Variants in RASGRF2 observed in about 807,000 individuals in gnomAD.
RASGRF2 encodes the protein ras-specific guanine nucleotide-releasing factor 2.
In RASGRF2, 76 loss-of-function variants were observed where a neutral mutation model predicts 151.0. That is an observed-to-expected ratio of 0.50 (90% CI 0.42 to 0.61). The LOEUF is 0.61. Ranked by LOEUF, RASGRF2 falls within the 20% of genes least tolerant of loss-of-function variation. RASGRF2 has a pLI of 0.00. For missense variants in RASGRF2, 1,148 were observed against 1,564.6 expected, an observed-to-expected ratio of 0.73 and a Z score of 4.49; for synonymous variants, 504 against 566.5, an observed-to-expected ratio of 0.89 and a Z score of 1.57.
intron 17 of RASGRF2, among the ~76,000 whole-genome samples, chr5:81,129,317 C>G (rs1035608491): frequency 6.6e-6 from 1 of 151,920 alleles, no homozygotes; most frequent in Non-Finnish European, 1.5e-5. Context: ...TCCAAAGCTT[C>G]TGAACCAATA....
At chr5:81,218,919 C>T (rs1001174741) in intron 25 of RASGRF2, among the ~76,000 whole-genome samples, 2 of 152,040 alleles carry the variant, frequency 1.3e-5, no homozygotes, top group African/African-American at 4.8e-5. Flanking sequence ...AGAGGTCTTT[C>T]GATTCCTTGG....
rs543901627 is a variant in RASGRF2 at position 80,990,180 on chromosome 5, C to A, written c.288+29154C>A. ...ATTTGCTTAGCCCAGTGCTCTGTCG[C>A]CTAAAGGAAAGACCTCTTACTAATT... On this transcript the variant is annotated intron_variant, in intron 1 of 26. Coordinates refer to ENST00000265080, the MANE Select transcript of RASGRF2 (RefSeq NM_006909.3). Among the ~76,000 whole-genome samples, 151 of 151,702 alleles carry A rather than the reference C, an allele frequency of 1.0e-3. 5 individuals are homozygous for A. In the South Asian group the frequency reaches 0.03, roughly 30 times the overall value.
At chr5:81,091,290 C>G (rs1038324676) in intron 9 of RASGRF2, among the ~76,000 whole-genome samples, 10 of 152,176 alleles carry the variant, frequency 6.6e-5, no homozygotes, top group Non-Finnish European at 5.9e-5. Context: ...TTTCCCCTGC[C>G]TCCAGTACTC....
intron 1 of RASGRF2, among the ~76,000 whole-genome samples, chr5:80,971,245 C>A (rs1263024038): frequency 2.0e-5 from 3 of 152,200 alleles, no homozygotes; most frequent in African/African-American, 7.2e-5. Context: ...ACCACCCCAA[C>A]CGTGGGTAGC....
chr5:81,107,456 T>G (rs1300925905), intron 12 of RASGRF2, among the ~76,000 whole-genome samples: 1 of 152,232 alleles, frequency 6.6e-6, no homozygotes, highest in Non-Finnish European at 1.5e-5. Flanking sequence ...AATTGTCCTG[T>G]CTGGTCCTAG....
At chr5:81,055,580 TA>T (rs1396517490) in intron 2 of RASGRF2, among the ~76,000 whole-genome samples, 1 of 152,222 alleles carries the variant, frequency 6.6e-6, no homozygotes, top group Non-Finnish European at 1.5e-5. Flanking sequence ...GATATTGGTC[TA>T]AAACCCTCTT....
At chr5:81,026,751 G>GA (rs145834952) in intron 1 of RASGRF2, among the ~76,000 whole-genome samples, 82 of 149,766 alleles carry the variant, frequency 5.5e-4, no homozygotes, top group South Asian at 2.1e-3. Context: ...TTTTAAGGGC[G>GA]AAAAAAAAAG....
chr5:81,208,293 G>A, intron 21 of RASGRF2, 61 bp from the exon 22 acceptor site: 6 of 1,418,282 alleles, frequency 4.2e-6, no homozygotes, highest in Non-Finnish European at 3.0e-6. Context: ...AACTGTCCAG[G>A]ATCATAGCCA....
chr5:81,034,811 G>GA (rs1554087637), intron 1 of RASGRF2, among the ~76,000 whole-genome samples: 2 of 131,616 alleles, frequency 1.5e-5, no homozygotes, highest in Non-Finnish European at 3.2e-5. Flanking sequence ...GGGTGGGAGG[G>GA]GGGTAGGGAT....
intron 2 of RASGRF2, among the ~76,000 whole-genome samples, chr5:81,060,814 G>A (rs1751407747): frequency 6.6e-6 from 1 of 152,112 alleles, no homozygotes; most frequent in Non-Finnish European, 1.5e-5. Flanking sequence ...TGGAAAGTAT[G>A]GAAAAGTACA....
At chr5:81,197,950 T>G (rs1018500538) in intron 18 of RASGRF2, among the ~76,000 whole-genome samples, 5 of 152,186 alleles carry the variant, frequency 3.3e-5, no homozygotes, top group African/African-American at 1.2e-4. Flanking sequence ...ATTCTACCTT[T>G]TTGTTCTTTT....
At chr5:81,041,258 C>T (rs1208022531) in intron 1 of RASGRF2, among the ~76,000 whole-genome samples, 3 of 148,860 alleles carry the variant, frequency 2.0e-5, no homozygotes, top group African/African-American at 5.0e-5. Context: ...GCCGAGATCA[C>T]GCCACTGCAC....
At chr5:81,185,008 A>G (rs1419436594) in intron 18 of RASGRF2, among the ~76,000 whole-genome samples, 7 of 152,244 alleles carry the variant, frequency 4.6e-5, no homozygotes, top group Non-Finnish European at 7.3e-5. Context: ...GCACAGGGGC[A>G]GGTAAAATAG....
At chr5:81,060,686 G>T (rs1015767982) in intron 2 of RASGRF2, among the ~76,000 whole-genome samples, 9 of 152,014 alleles carry the variant, frequency 5.9e-5, no homozygotes, top group African/African-American at 7.3e-5. Context: ...ATTTGGACTC[G>T]CAGGAACCCA....
At chr5:81,057,741 T>C (rs1228946068) in intron 2 of RASGRF2, among the ~76,000 whole-genome samples, 2 of 152,068 alleles carry the variant, frequency 1.3e-5, no homozygotes, top group African/African-American at 2.4e-5. Flanking sequence ...GTGCCTATAA[T>C]CCAAGCACTT....
rs145175259 is a variant in RASGRF2 at position 81,114,430 on chromosome 5, T to C, written c.2470+510T>C. The stretch of plus-strand genomic sequence containing the variant: ...GTTTAGTTATGAGGACAGTGCTCCA[T>C]GTTATAGCAGAGGTATAGGAGAGAA... On this transcript the variant is annotated intron_variant, in intron 15 of 26. Coordinates refer to ENST00000265080, the MANE Select transcript of RASGRF2 (RefSeq NM_006909.3). Among the ~76,000 whole-genome samples, 857 of 152,362 alleles carry C rather than the reference T, an allele frequency of 5.6e-3. 11 individuals are homozygous for C. Among genetic ancestry groups the C allele is most frequent in the African/African-American group, 0.02 (828 of 41,594 alleles).
chr5:81,067,180 T>C (rs1465500594), intron 2 of RASGRF2, among the ~76,000 whole-genome samples: 4 of 152,186 alleles, frequency 2.6e-5, no homozygotes, highest in Non-Finnish European at 5.9e-5. Flanking sequence ...GATTATGAGA[T>C]GAAATAATGT....
chr5:81,095,514 G>A (rs368780565), intron 12 of RASGRF2, among the ~76,000 whole-genome samples: 24 of 152,272 alleles, frequency 1.6e-4, no homozygotes, highest in African/African-American at 5.5e-4. Context: ...GATCAGCAGC[G>A]CCAGTTGGGG....
At chr5:81,128,028 C>G (rs1753511612) in intron 17 of RASGRF2, among the ~76,000 whole-genome samples, 1 of 151,530 alleles carries the variant, frequency 6.6e-6, no homozygotes, top group South Asian at 2.1e-4. Context: ...CTGAAATAAG[C>G]CAGGCACAGA....
Sources: gnomAD v4.1 joint callset for allele counts (sites outside exome capture counted in the v4.1 genomes callset) on GRCh38, gnomAD v4.1.1 for gene constraint, MANE v1.5 for transcripts, NCBI Gene and HGNC (gene_info 2026-07-23, HGNC 2026-07-21) for gene names.